SNTG2: variants seen among roughly 807,000 people sequenced by gnomAD.
SNTG2 encodes the protein syntrophin gamma 2, also known as gamma-2-syntrophin.
Under a neutral mutation model 70.9 loss-of-function variants are expected in SNTG2, and 74 were observed. The observed-to-expected ratio is 1.04, with a 90% CI of 0.86 to 1.27. The LOEUF (loss-of-function observed/expected upper bound fraction) is 1.27, where lower values mean the gene tolerates loss of function less well. Among genes scored for constraint, SNTG2 ranks in the 50% most tolerant of loss-of-function variants. The probability of loss-of-function intolerance (pLI) is 0.00; values close to 1 mark genes in which losing one functional copy is unlikely to be tolerated. For missense variants in SNTG2, 717 were observed against 690.7 expected (o/e 1.04, Z -0.43); for synonymous variants, 278 against 273.8 (o/e 1.02, Z -0.15).
rs186660412 is a variant in SNTG2 at position 1,051,478 on chromosome 2, G to C, written c.73-32040G>C. Among the ~76,000 whole-genome samples, 754 of 152,244 alleles carry C rather than the reference G, an allele frequency of 5.0e-3. 4 individuals carry two copies. The highest frequency in any genetic ancestry group is 0.011 in the Admixed American group (173 of 15,292). ...ATAAGTTCTTTGCTCATATGGTATG[G>C]TTGCCAGCCTGGAGGAAGGCACCTG... On this transcript the variant is annotated intron_variant, in intron 1 of 16. Transcript: ENST00000308624.
chr2:1,319,885 A>G (rs772398854), intron 16 of SNTG2, among the ~76,000 whole-genome samples: 1 of 152,240 alleles, frequency 6.6e-6, no homozygotes, highest in Non-Finnish European at 1.5e-5. Flanking sequence ...GCAAGACTTA[A>G]GGAGTCCACG....
intron 16 of SNTG2, among the ~76,000 whole-genome samples, chr2:1,336,413 T>A (rs556489865): frequency 2.6e-5 from 4 of 152,330 alleles, no homozygotes; most frequent in African/African-American, 9.6e-5. Flanking sequence ...CTTTAGGTAG[T>A]CACTTCATTT....
At chr2:1,031,528 A>ATATATTTTTTTTTTT in intron 1 of SNTG2, among the ~76,000 whole-genome samples, 3 of 59,142 alleles carry the variant, frequency 5.1e-5, no homozygotes, top group African/African-American at 2.5e-4. Context: ...ATATATATAT[A>ATATATTTTTTTTTTT]TTTTTTTTTT....
chr2:1,129,759 G>C (rs1047666485), intron 4 of SNTG2, among the ~76,000 whole-genome samples: 3 of 152,172 alleles, frequency 2.0e-5, no homozygotes, highest in Admixed American at 6.5e-5. Flanking sequence ...GAGGATTTCT[G>C]ATGAGCTGTG....
At chr2:1,198,720 A>G (rs1465251379) in intron 8 of SNTG2, among the ~76,000 whole-genome samples, 1 of 152,140 alleles carries the variant, frequency 6.6e-6, no homozygotes, top group Non-Finnish European at 1.5e-5. Context: ...CAGAAATTCC[A>G]AAGATATACA....
intron 1 of SNTG2, among the ~76,000 whole-genome samples, chr2:957,621 A>G (rs1660209628): frequency 1.3e-5 from 2 of 152,076 alleles, no homozygotes; most frequent in South Asian, 2.1e-4. Flanking sequence ...AGCAGACACG[A>G]AACAGCACAG....
intron 1 of SNTG2, among the ~76,000 whole-genome samples, chr2:1,078,387 G>A (rs1664063763): frequency 6.6e-6 from 1 of 152,206 alleles, no homozygotes; most frequent in Non-Finnish European, 1.5e-5. Context: ...GGAAGCTGCC[G>A]AGGAGGGGAC....
At chr2:1,271,908 G>C (rs1006094064) in intron 14 of SNTG2, among the ~76,000 whole-genome samples, 2 of 151,624 alleles carry the variant, frequency 1.3e-5, no homozygotes, top group Admixed American at 6.6e-5. Flanking sequence ...TTGGCTTCTC[G>C]TCAAGGAAAC....
intron 16 of SNTG2, among the ~76,000 whole-genome samples, chr2:1,318,957 G>C (rs1681409269): frequency 1.3e-5 from 2 of 152,184 alleles, no homozygotes; most frequent in Admixed American, 1.3e-4. Context: ...AGCTCCCATG[G>C]CATCTGAAAC....
rs114645824 is a variant in SNTG2, at chr2:1,308,177, G to A, written c.1285-317G>A. ...GAAAGAAAATTCAGTGGTTTACTGT[G>A]TTTTCAAACACGCGTAGGAGAATAG... On this transcript the variant is annotated intron_variant, in intron 14 of 16. Transcript: ENST00000308624. Among the ~76,000 whole-genome samples the A allele has an allele frequency of 6.3e-3, 967 of 152,300 alleles. 13 individuals carry two copies. The highest frequency in any genetic ancestry group is 0.022 in the African/African-American group (908 of 41,554).
At chr2:1,106,542 A>G (rs1272153435) in intron 4 of SNTG2, among the ~76,000 whole-genome samples, 2 of 113,476 alleles carry the variant, frequency 1.8e-5, no homozygotes, top group African/African-American at 3.5e-5. Context: ...AAGAGTGGAC[A>G]CGTGCTGTCA....
intron 1 of SNTG2, among the ~76,000 whole-genome samples, chr2:1,049,997 TC>T (rs1420206477): frequency 1.3e-5 from 2 of 152,232 alleles, no homozygotes; most frequent in East Asian, 3.8e-4. Context: ...TGTGTTATTC[TC>T]TTTTTTTCAG....
At chr2:1,080,524 G>A (rs553782316) in intron 1 of SNTG2, among the ~76,000 whole-genome samples, 16 of 151,884 alleles carry the variant, frequency 1.1e-4, no homozygotes, top group African/African-American at 3.1e-4. Context: ...CTGTGTGCCC[G>A]TGTTTGTGTC....
At chr2:1,166,305 G>A (rs1029522197) in intron 7 of SNTG2, among the ~76,000 whole-genome samples, 6 of 152,154 alleles carry the variant, frequency 3.9e-5, no homozygotes, top group African/African-American at 1.2e-4. Context: ...GTCAACATCT[G>A]CTGGTGGCTC....
chr2:1,317,524 G>A (rs113423789), intron 16 of SNTG2, among the ~76,000 whole-genome samples: 215 of 84,164 alleles, frequency 2.6e-3, no homozygotes, highest in African/African-American at 0.01. Context: ...GGATTCTGGA[G>A]CATTTAGCAT....
In SNTG2 at chr2:1,089,916, A is replaced by G. The variant is rs192505302; in HGVS notation, c.210+6261A>G. Among the ~76,000 whole-genome samples, 17 of 152,318 alleles carry G rather than the reference A, an allele frequency of 1.1e-4. No individual in the cohort carries two copies. In the East Asian group the frequency reaches 2.3e-3, roughly 21 times the overall value. ...GCACTAGATTGCTTTGGCTCTGTCT[A>G]CGTTATTAAAGAGTGAAGTGTGCCT... On this transcript the variant is annotated intron_variant, in intron 2 of 16. Coordinates refer to ENST00000308624, the MANE Select transcript of SNTG2 (RefSeq NM_018968.4).
Position 1,255,899 on chromosome 2 carries a change from T to TATATATAAATATATAA in SNTG2, c.1006-3456_1006-3455insAATATATAAATATATA, listed in dbSNP as rs1558602885. On this transcript the variant is annotated intron_variant, in intron 12 of 16. Coordinates refer to ENST00000308624, the MANE Select transcript of SNTG2 (RefSeq NM_018968.4). Reference sequence around the variant, plus strand: ...ATATATATATAAATATATATAAATATATATATAAATATATATATAAATATA... The same window carrying TATATATAAATATATAA: ...ATATATATATAAATATATATAAATATATATATAAATATATAAATATATAAATATATATATAAATATA... Among the ~76,000 whole-genome samples the TATATATAAATATATAA allele has an allele frequency of 8.3e-5, 8 of 96,852 alleles. No individual in the cohort carries two copies. The East Asian group carries it at 1.7e-3, about 20-fold the overall frequency. 63.5% of individuals were successfully genotyped at this position (96,852 alleles called of 152,430 possible).
chr2:1,011,821 A>G (rs1269796181), intron 1 of SNTG2, among the ~76,000 whole-genome samples: 1 of 152,226 alleles, frequency 6.6e-6, no homozygotes, highest in African/African-American at 2.4e-5. Context: ...TTTAAAAAAC[A>G]CATTTTAATT....
At chr2:1,026,431 A>G (rs1558320965) in intron 1 of SNTG2, among the ~76,000 whole-genome samples, 2 of 152,240 alleles carry the variant, frequency 1.3e-5, no homozygotes, top group Non-Finnish European at 2.9e-5. Flanking sequence ...TTACCAGTAC[A>G]GGGACTTAGC....
Sources: allele counts gnomAD v4.1 joint callset (sites outside exome capture counted in the v4.1 genomes callset), GRCh38; gene constraint gnomAD v4.1.1; transcripts MANE v1.5; gene names NCBI Gene and HGNC (gene_info 2026-07-23, HGNC 2026-07-21).